The following WWOX variants were observed in gnomAD, a reference collection of about 807,000 sequenced individuals.
The protein encoded by WWOX is WW domain-containing oxidoreductase.
In WWOX, 69 loss-of-function variants were observed where a neutral mutation model predicts 46.2. That is an observed-to-expected ratio of 1.49 (90% confidence interval 1.23 to 1.82). WWOX has a LOEUF of 1.82. WWOX is among the 40% of genes most tolerant of loss of function. WWOX has a pLI of 0.00. For synonymous variants in WWOX, 359 were observed against 202.6 expected, an observed-to-expected ratio of 1.77 and a Z score of -6.56; for missense variants, 919 against 542.6, an observed-to-expected ratio of 1.69 and a Z score of -6.89.
In WWOX at chr16:78,343,267, A is replaced by T. The variant is rs1355429276; in HGVS notation, c.517-43593A>T. Among the ~76,000 whole-genome samples, 4 of 119,960 alleles carry T rather than the reference A, an allele frequency of 3.3e-5. 2 individuals carry two copies. Among genetic ancestry groups the T allele is most frequent in the Admixed American group, 1.6e-4 (2 of 12,286 alleles). 78.7% of individuals were successfully genotyped at this position (119,960 alleles called of 152,430 possible). A position where few individuals can be genotyped will look rare whatever the true frequency, so the allele number is the denominator to read the frequency against. On this transcript the variant is annotated intron_variant, in intron 5 of 8. Coordinates refer to ENST00000566780, the MANE Select transcript of WWOX (RefSeq NM_016373.4). ...CCTCTGCTGTTGAAAGTTGCCTGTC[A>T]CCCATGATGCTGTGCTGATTGAGCA...
intron 8 of WWOX, among the ~76,000 whole-genome samples, chr16:79,160,040 C>T (rs571032988): frequency 6.6e-6 from 1 of 152,186 alleles, no homozygotes; most frequent in African/African-American, 2.4e-5. Flanking sequence ...TGACAAATGT[C>T]TGCTGCTGGG....
chr16:79,176,006 C>T (rs759930479), intron 8 of WWOX, among the ~76,000 whole-genome samples: 39 of 152,150 alleles, frequency 2.6e-4, no homozygotes, highest in Admixed American at 3.3e-4. Context: ...GAAATGTTAC[C>T]TGCTCTATGA....
chr16:78,198,762 C>T (rs552128857), intron 5 of WWOX, among the ~76,000 whole-genome samples: 30 of 152,232 alleles, frequency 2.0e-4, no homozygotes, highest in Admixed American at 3.9e-4. Context: ...TTGTATATTT[C>T]GCATATGTCA....
In WWOX at chr16:78,338,215, T is replaced by C. The variant is rs1445699671; in HGVS notation, c.517-48645T>C. Among the ~76,000 whole-genome samples, 2 of 120,752 alleles carry C rather than the reference T, an allele frequency of 1.7e-5. 1 individual carries two copies. Among genetic ancestry groups the C allele is most frequent in the Admixed American group, 1.6e-4 (2 of 12,352 alleles). 79.2% of individuals were successfully genotyped at this position (120,752 alleles called of 152,430 possible). On this transcript the variant is annotated intron_variant, in intron 5 of 8. Coordinates refer to ENST00000566780, the MANE Select transcript of WWOX (RefSeq NM_016373.4). Reference sequence around the variant, plus strand: ...ATTTTGTGAATTAAATAAAGCAGCATGCAAATTTACTATCGTATTCAGCAA... The same window carrying C: ...ATTTTGTGAATTAAATAAAGCAGCACGCAAATTTACTATCGTATTCAGCAA...
intron 8 of WWOX, among the ~76,000 whole-genome samples, chr16:78,921,802 C>A (rs992294344): frequency 6.6e-6 from 1 of 152,196 alleles, no homozygotes; most frequent in African/African-American, 2.4e-5. Flanking sequence ...CTTACTCTGA[C>A]ACCCACTGCA....
intron 8 of WWOX, among the ~76,000 whole-genome samples, chr16:79,129,839 G>T (rs907533263): frequency 6.6e-6 from 1 of 152,158 alleles, no homozygotes; most frequent in Admixed American, 6.5e-5. Context: ...GTGACAGCCT[G>T]GGTCAAATTG....
At chr16:78,934,120 G>T (rs2045683799) in intron 8 of WWOX, among the ~76,000 whole-genome samples, 1 of 151,842 alleles carries the variant, frequency 6.6e-6, no homozygotes, top group African/African-American at 2.4e-5. Context: ...CAGATCACAA[G>T]GTCAGGAGAT....
chr16:78,960,601 T>C (rs2046253933), intron 8 of WWOX, among the ~76,000 whole-genome samples: 4 of 152,186 alleles, frequency 2.6e-5, no homozygotes, highest in Admixed American at 2.0e-4. Flanking sequence ...ACAGATCCAT[T>C]GGTCAGAAAT....
At chr16:78,239,533 C>A (rs139297180) in intron 5 of WWOX, among the ~76,000 whole-genome samples, 1 of 152,194 alleles carries the variant, frequency 6.6e-6, no homozygotes, top group African/African-American at 2.4e-5. Flanking sequence ...TTTGGTTCTT[C>A]TAGCTTTTTT....
intron 5 of WWOX, among the ~76,000 whole-genome samples, chr16:78,255,054 C>G (rs1409085228): frequency 6.6e-6 from 1 of 152,220 alleles, no homozygotes; most frequent in Non-Finnish European, 1.5e-5. Flanking sequence ...ATGTGCCACC[C>G]ATGGCTTCCC....
intron 8 of WWOX, among the ~76,000 whole-genome samples, chr16:79,108,720 A>G (rs372538035): frequency 6.6e-6 from 1 of 152,052 alleles, no homozygotes; most frequent in South Asian, 2.1e-4. Flanking sequence ...CGGGCAACAC[A>G]GTGAGACCCC....
intron 8 of WWOX, among the ~76,000 whole-genome samples, chr16:78,627,056 T>C (rs77496409): frequency 0.031 from 4,777 of 152,214 alleles, 267 homozygotes; most frequent in African/African-American, 0.11. Flanking sequence ...ACCTCATACA[T>C]ACACAAAGGG....
chr16:78,920,057 C>G (rs774868331), intron 8 of WWOX, among the ~76,000 whole-genome samples: 3 of 152,154 alleles, frequency 2.0e-5, no homozygotes, highest in Non-Finnish European at 2.9e-5. Flanking sequence ...GCCGCAGTAA[C>G]AAACGACCCC....
intron 6 of WWOX, among the ~76,000 whole-genome samples, chr16:78,412,727 T>C (rs1236193392): frequency 6.6e-6 from 1 of 152,234 alleles, no homozygotes; most frequent in East Asian, 1.9e-4. Context: ...GAGAAGCCAC[T>C]CCTCGCCAGG....
At chr16:78,740,689 G>A (rs988973815) in intron 8 of WWOX, among the ~76,000 whole-genome samples, 6 of 152,116 alleles carry the variant, frequency 3.9e-5, no homozygotes, top group African/African-American at 9.7e-5. Context: ...GCTGCCAGTT[G>A]GCCGATTGAA....
At chr16:78,726,582 T>G (rs1054214364) in intron 8 of WWOX, among the ~76,000 whole-genome samples, 1 of 152,164 alleles carries the variant, frequency 6.6e-6, no homozygotes, top group African/African-American at 2.4e-5. Flanking sequence ...CATGGGATAG[T>G]AGGTAAATTA....
chr16:78,473,518 C>A (rs965340165), intron 8 of WWOX, among the ~76,000 whole-genome samples: 2 of 152,152 alleles, frequency 1.3e-5, no homozygotes, highest in African/African-American at 4.8e-5. Context: ...GACCGACTGG[C>A]CCTCTCAGAC....
intron 8 of WWOX, among the ~76,000 whole-genome samples, chr16:78,940,516 A>G (rs974402141): frequency 6.6e-6 from 1 of 152,140 alleles, no homozygotes; most frequent in Non-Finnish European, 1.5e-5. Flanking sequence ...ACATTTTTAC[A>G]TCATTTCCAT....
At chr16:79,167,911 C>A (rs188667214) in intron 8 of WWOX, among the ~76,000 whole-genome samples, 2 of 152,256 alleles carry the variant, frequency 1.3e-5, no homozygotes, top group African/African-American at 4.8e-5. Flanking sequence ...TCCCTTCTTC[C>A]AACTTCTCTG....
Sources: allele counts gnomAD v4.1 joint callset (sites outside exome capture counted in the v4.1 genomes callset), GRCh38; gene constraint gnomAD v4.1.1; transcripts MANE v1.5; gene names NCBI Gene and HGNC (gene_info 2026-07-23, HGNC 2026-07-21).